Variants in PIWIL4 observed in about 807,000 individuals in gnomAD.
PIWIL4 encodes piwi like RNA-mediated gene silencing 4, also known as piwi-like protein 4.
Under a neutral mutation model 100.9 loss-of-function variants are expected in PIWIL4, and 50 were observed. The ratio of observed to expected loss-of-function variants is 0.50; its 90% CI spans 0.39 to 0.63. The LOEUF is 0.63. Among genes scored for constraint, PIWIL4 ranks in the 20% least tolerant of loss-of-function variants. The pLI, the probability that PIWIL4 is intolerant of heterozygous loss-of-function variation, is 0.00. For missense variants in PIWIL4, 887 were observed against 1,043.3 expected (o/e 0.85, Z 2.06); for synonymous variants, 342 against 367.5 (o/e 0.93, Z 0.79).
At chr11:94,613,473 C>T (rs1194587663) in intron 15 of PIWIL4, among the ~76,000 whole-genome samples, 1 of 152,156 alleles carries the variant, frequency 6.6e-6, no homozygotes, top group African/African-American at 2.4e-5. Context: ...TTTTGAGCTA[C>T]GTGTACCTGG....
chr11:94,581,193 C>G (rs1162610307), intron 4 of PIWIL4, among the ~76,000 whole-genome samples: 2 of 152,178 alleles, frequency 1.3e-5, no homozygotes, highest in African/African-American at 2.4e-5. Context: ...AGCCACCACG[C>G]CCGGCCTGCC....
rs767517279 is a variant in PIWIL4 at position 94,587,018 on chromosome 11, A to C, written c.717-32A>C. 7.1e-5 allele frequency: 108 copies of C among 1,519,080 alleles called. No individual in the cohort carries two copies. The South Asian group carries it at 1.0e-3, about 14-fold the overall frequency. 94.1% of individuals were successfully genotyped at this position (1,519,080 alleles called of 1,614,324 possible). ...ATTGTGTTTCCGGTATAACATTGAC[A>C]ATATTCCTTTTTTTCTTTTTTGTTT... On this transcript the variant is annotated intron_variant, in intron 6 of 19. Transcript: ENST00000299001.
chr11:94,602,613 T>C (rs1948658216), intron 12 of PIWIL4, among the ~76,000 whole-genome samples: 3 of 152,224 alleles, frequency 2.0e-5, no homozygotes. Context: ...ACAATCACAC[T>C]GAAAATAAAT....
intron 11 of PIWIL4, among the ~76,000 whole-genome samples, chr11:94,600,231 CAT>C (rs1340793221): frequency 1.3e-5 from 2 of 152,184 alleles, no homozygotes; most frequent in African/African-American, 4.8e-5. Context: ...TGCTTCTAAG[CAT>C]ACCTACTCCT....
intron 15 of PIWIL4, among the ~76,000 whole-genome samples, chr11:94,612,703 T>C (rs1948800631): frequency 6.6e-6 from 1 of 152,150 alleles, no homozygotes; most frequent in Admixed American, 6.5e-5. Context: ...GTTTTGAGTA[T>C]CTACTATGGA....
intron 10 of PIWIL4, among the ~76,000 whole-genome samples, chr11:94,595,804 C>T (rs1029504481): frequency 6.6e-6 from 1 of 152,236 alleles, no homozygotes; most frequent in Non-Finnish European, 1.5e-5. Flanking sequence ...GAATGCTCAG[C>T]TCTTACTACA....
At chr11:94,589,077 T>G in intron 7 of PIWIL4, 44 bp from the exon 8 acceptor site, 1 of 1,423,648 alleles carries the variant, frequency 7.0e-7, no homozygotes, top group Non-Finnish European at 9.8e-7. Flanking sequence ...GCTGCTTATG[T>G]TAGATGATTA....
chr11:94,567,368 G>A lies in PIWIL4; in HGVS notation c.-151G>A. 2 of 654,658 alleles carry A rather than the reference G, an allele frequency of 3.1e-6. No homozygotes were observed. Among genetic ancestry groups the A allele is most frequent in the South Asian group, 2.6e-5 (1 of 39,002 alleles). The allele number at this position is 654,658 out of a possible 1,614,324, so 40.6% of individuals were successfully genotyped here. On this transcript the variant is annotated 5_prime_UTR_variant, in exon 1 of 20. Transcript: ENST00000299001. ...CTCCACCCACGCACGGGCCTCGGAC[G>A]CATTTCCAGCCCCGGCGTTGGTTGT...
rs1948216781 is a variant in PIWIL4, at chr11:94,574,886, A to G, written c.167-113A>G. 4.5e-6 allele frequency: 5 copies of G among 1,112,828 alleles called. No individual in the cohort carries two copies. The South Asian group carries it at 5.6e-5, about 12-fold the overall frequency. The allele number at this position is 1,112,828 out of a possible 1,614,324, so 68.9% of individuals were successfully genotyped here. A position where few individuals can be genotyped will look rare whatever the true frequency, so the allele number is the denominator to read the frequency against. ...CATGAATGGTTTCAGCAATATGGGC[A>G]AACTGTATTCAAAACCACAAGTTTG... On this transcript the variant is annotated intron_variant, in intron 2 of 19. Coordinates refer to ENST00000299001, the MANE Select transcript of PIWIL4 (RefSeq NM_152431.3).
intron 17 of PIWIL4, among the ~76,000 whole-genome samples, chr11:94,619,318 A>G (rs1245062569): frequency 1.3e-5 from 2 of 152,210 alleles, no homozygotes; most frequent in African/African-American, 4.8e-5. Context: ...TTTGTGTAAT[A>G]CAGAAGGGAT....
intron 13 of PIWIL4, 76 bp downstream of exon 13, chr11:94,604,132 C>A (rs545704552): frequency 7.0e-6 from 6 of 862,460 alleles, no homozygotes; most frequent in Non-Finnish European, 8.7e-6. Context: ...CTGAACATAC[C>A]CTCCCATGAT....
chr11:94,619,591 A>G (rs1028366040), intron 17 of PIWIL4, among the ~76,000 whole-genome samples, 169 bp from the exon 18 acceptor site: 24 of 152,206 alleles, frequency 1.6e-4, no homozygotes, highest in African/African-American at 5.8e-4. Context: ...TAATTTAAAA[A>G]ATTGTATGTA....
intron 2 of PIWIL4, among the ~76,000 whole-genome samples, chr11:94,571,993 G>A (rs1386447156): frequency 1.3e-5 from 2 of 152,330 alleles, no homozygotes; most frequent in Admixed American, 6.5e-5. Flanking sequence ...ACTGGTGTGA[G>A]ATGGCATCTC....
At chr11:94,573,548 A>T (rs567314102) in intron 2 of PIWIL4, among the ~76,000 whole-genome samples, 3 of 152,210 alleles carry the variant, frequency 2.0e-5, no homozygotes, top group African/African-American at 7.2e-5. Flanking sequence ...TGAGATAATC[A>T]TGTGGTTTTT....
chr11:94,602,913 A>G (rs1948663093), intron 12 of PIWIL4, among the ~76,000 whole-genome samples: 1 of 152,232 alleles, frequency 6.6e-6, no homozygotes, highest in Non-Finnish European at 1.5e-5. Flanking sequence ...AATGATTATG[A>G]AAGAAGCCAC....
intron 2 of PIWIL4, among the ~76,000 whole-genome samples, chr11:94,571,259 GTTTT>G (rs953162209): frequency 6.6e-6 from 1 of 151,560 alleles, no homozygotes; most frequent in Non-Finnish European, 1.5e-5. Flanking sequence ...TTGTTATTAG[GTTTT>G]TTTATTTAAA....
intron 12 of PIWIL4, among the ~76,000 whole-genome samples, chr11:94,603,086 CA>C (rs1235809855): frequency 3.3e-5 from 5 of 152,196 alleles, no homozygotes; most frequent in African/African-American, 7.2e-5. Context: ...GATTTATATG[CA>C]TAGCTTCTGT....
chr11:94,598,152 C>A (rs866050978), intron 11 of PIWIL4, among the ~76,000 whole-genome samples: 3 of 152,152 alleles, frequency 2.0e-5, no homozygotes, highest in Non-Finnish European at 4.4e-5. Flanking sequence ...TATTTCAAAT[C>A]ATTGCAATTA....
chr11:94,572,133 T>C (rs1483606511), intron 2 of PIWIL4, among the ~76,000 whole-genome samples: 1 of 152,084 alleles, frequency 6.6e-6, no homozygotes, highest in Admixed American at 6.6e-5. Context: ...TTTGATGGGG[T>C]TGTTTGATTT....
Sources: gnomAD v4.1 joint callset for allele counts (sites outside exome capture counted in the v4.1 genomes callset) on GRCh38, gnomAD v4.1.1 for gene constraint, MANE v1.5 for transcripts, NCBI Gene and HGNC (gene_info 2026-07-23, HGNC 2026-07-21) for gene names.